The following ARHGEF10 variants were observed in gnomAD, a reference collection of about 807,000 sequenced individuals.
ARHGEF10 encodes Rho guanine nucleotide exchange factor (GEF) 10.
A neutral mutation model predicts 147.4 loss-of-function variants in ARHGEF10; 140 were observed. The ratio of observed to expected loss-of-function variants is 0.95; its 90% confidence interval spans 0.83 to 1.09. ARHGEF10 has a LOEUF of 1.09. Ranked by LOEUF, ARHGEF10 falls within the 50% of genes least tolerant of loss-of-function variation. The pLI, the probability that ARHGEF10 is intolerant of heterozygous loss-of-function variation, is 0.00. For synonymous variants in ARHGEF10, 902 were observed against 695.8 expected (o/e 1.30, Z -4.67); for missense variants, 2,222 against 1,752.7 (o/e 1.27, Z -4.78).
intron 11 of ARHGEF10, among the ~76,000 whole-genome samples, chr8:1,888,074 A>G (rs73542930): frequency 6.0e-5 from 7 of 115,842 alleles, no homozygotes; most frequent in East Asian, 3.0e-4. Flanking sequence ...ATGAGGGTTT[A>G]TGAGGAGACA....
intron 18 of ARHGEF10, among the ~76,000 whole-genome samples, chr8:1,911,065 G>A (rs1168571956): frequency 6.6e-6 from 1 of 152,212 alleles, no homozygotes; most frequent in Non-Finnish European, 1.5e-5. Flanking sequence ...CATTGCATTT[G>A]CACCCTGGAT....
chr8:1,873,471 TGA>T (rs1807320160), intron 7 of ARHGEF10, among the ~76,000 whole-genome samples: 2 of 114,844 alleles, frequency 1.7e-5, no homozygotes, highest in Non-Finnish European at 4.1e-5. Context: ...CTCGTTGCGT[TGA>T]GAGGCGCCCG....
At chr8:1,894,640 G>A in intron 13 of ARHGEF10, 68 bp downstream of exon 13, 2 of 1,571,794 alleles carry the variant, frequency 1.3e-6, no homozygotes, top group South Asian at 2.2e-5. Context: ...TCCCTTCTTA[G>A]GCTGATGTTT....
chr8:1,882,946 C>G (rs1450407555), intron 10 of ARHGEF10, among the ~76,000 whole-genome samples, 197 bp downstream of exon 10: 13 of 152,136 alleles, frequency 8.5e-5, no homozygotes, highest in African/African-American at 2.9e-4. Context: ...CGTTTTAGAC[C>G]GAGGGCACCC....
At chr8:1,917,362 G>A (rs748096201) in intron 18 of ARHGEF10, among the ~76,000 whole-genome samples, 1 of 152,158 alleles carries the variant, frequency 6.6e-6, no homozygotes, top group Admixed American at 6.5e-5. Flanking sequence ...ACGCCTTCTG[G>A]CTCTGACGTC....
chr8:1,833,075 CAG>C lies in ARHGEF10; in HGVS notation c.-48+8968_-48+8969del, dbSNP rs747114206. Among the ~76,000 whole-genome samples the C allele has an allele frequency of 7.5e-3, 5 of 670 alleles. 1 individual carries two copies. The highest frequency in any genetic ancestry group is 0.024 in the Non-Finnish European group (5 of 210). The allele number at this position is 670 out of a possible 152,430, so 0.4% of individuals were successfully genotyped here. ...AGGCAGAGAGAGACAGAGACAGAGG[CAG>C]AGAGACAGAGACAGAGGCAGAGAGA... On this transcript the variant is annotated intron_variant, in intron 1 of 28. Coordinates refer to ENST00000349830, the MANE Select transcript of ARHGEF10 (RefSeq NM_014629.4).
At chr8:1,844,616 C>T (rs1168454009) in intron 2 of ARHGEF10, among the ~76,000 whole-genome samples, 2 of 152,124 alleles carry the variant, frequency 1.3e-5, no homozygotes, top group Non-Finnish European at 2.9e-5. Flanking sequence ...GTACGGGACC[C>T]GGTACCGGAA....
chr8:1,944,920 C>T lies in ARHGEF10; in HGVS notation c.3223-561C>T, dbSNP rs371530739. Among the ~76,000 whole-genome samples the T allele has an allele frequency of 8.2e-4, 125 of 152,346 alleles. No homozygotes were observed. The South Asian group carries it at 9.5e-3, about 12-fold the overall frequency. On this transcript the variant is annotated intron_variant, in intron 26 of 28. Coordinates refer to ENST00000349830, the MANE Select transcript of ARHGEF10 (RefSeq NM_014629.4). The stretch of plus-strand genomic sequence containing the variant: ...TGACGAGGGCCCAGGCCCAGGCACC[C>T]GTGGGACCCCTCAGAGCAGGCCGCT...
At chr8:1,881,714 C>T (rs899591751) in intron 9 of ARHGEF10, among the ~76,000 whole-genome samples, 2 of 152,208 alleles carry the variant, frequency 1.3e-5, no homozygotes, top group South Asian at 2.1e-4. Flanking sequence ...CAGGCAGACA[C>T]GGCCAGGGCT....
At chr8:1,860,694 G>A (rs1476777617) in intron 4 of ARHGEF10, among the ~76,000 whole-genome samples, 1 of 152,182 alleles carries the variant, frequency 6.6e-6, no homozygotes, top group Admixed American at 6.5e-5. Context: ...GGGGTGCCTT[G>A]AACTTCACCC....
intron 18 of ARHGEF10, among the ~76,000 whole-genome samples, chr8:1,916,240 C>G (rs58942313): frequency 0.014 from 2,187 of 152,322 alleles, 58 homozygotes; most frequent in African/African-American, 0.05. Flanking sequence ...GGTGCGCATG[C>G]AGGAGGGCCT....
chr8:1,911,341 A>G lies in ARHGEF10; in HGVS notation c.2143+1871A>G, dbSNP rs1219911285. Among the ~76,000 whole-genome samples, 4 of 152,332 alleles carry G rather than the reference A, an allele frequency of 2.6e-5. No individual in the cohort carries two copies. In the East Asian group the frequency reaches 7.7e-4, roughly 29 times the overall value. ...AAAGCACCTAGTTAACCTCAGTGAA[A>G]CCATTTTTCCATGGGACATCTTTTT... On this transcript the variant is annotated intron_variant, in intron 18 of 28. Coordinates refer to ENST00000349830, the MANE Select transcript of ARHGEF10 (RefSeq NM_014629.4).
intron 1 of ARHGEF10, among the ~76,000 whole-genome samples, chr8:1,828,321 A>T (rs1802888886): frequency 6.6e-6 from 1 of 152,264 alleles, no homozygotes; most frequent in Non-Finnish European, 1.5e-5. Context: ...TTCCTCTTAA[A>T]GTGCCTTCCT....
rs1271439407 is a variant in ARHGEF10 at position 1,848,457 on chromosome 8, G to T, written c.37+5021G>T. ...ATTTCTTGTGTAGATTTGTCCGGGG[G>T]CTTCAGAATAACACAGCAGGATGGG... On this transcript the variant is annotated intron_variant, in intron 2 of 28. Transcript: ENST00000349830. Among the ~76,000 whole-genome samples, 3 of 152,250 alleles carry T rather than the reference G, an allele frequency of 2.0e-5. No homozygotes were observed. In the South Asian group the frequency reaches 6.2e-4, roughly 32 times the overall value.
At chr8:1,869,742 G>A (rs565301011) in intron 7 of ARHGEF10, 3 of 218,182 alleles carry the variant, frequency 1.4e-5, no homozygotes, top group South Asian at 1.3e-4. Context: ...CGGAGCACCA[G>A]GCCCAGGGTG....
At chr8:1,938,016 C>T (rs1475314748) in intron 26 of ARHGEF10, among the ~76,000 whole-genome samples, 1 of 152,164 alleles carries the variant, frequency 6.6e-6, no homozygotes, top group African/African-American at 2.4e-5. Context: ...GAGCCGGGTG[C>T]TTGGTGCAGC....
Position 1,859,839 on chromosome 8 carries a change from G to A in ARHGEF10, c.194-58G>A, listed in dbSNP as rs535436498. The A allele has an allele frequency of 2.5e-6, 4 of 1,603,864 alleles. No individual in the cohort carries two copies. The South Asian group carries it at 3.3e-5, about 13-fold the overall frequency. On this transcript the variant is annotated intron_variant, in intron 3 of 28. Transcript: ENST00000349830. ...TGCTTCCCACTTGCGCTCCAGGAGG[G>A]CATGCCTGCCATGCCCTTGGTGATG...
chr8:1,842,004 AC>A, intron 1 of ARHGEF10, among the ~76,000 whole-genome samples: 1 of 78,244 alleles, frequency 1.3e-5, no homozygotes, highest in African/African-American at 4.6e-5. Context: ...CGCGGCGGGA[AC>A]TGGGGCCGCG....
intron 26 of ARHGEF10, among the ~76,000 whole-genome samples, chr8:1,935,111 T>C (rs1288686008): frequency 6.6e-6 from 1 of 152,220 alleles, no homozygotes; most frequent in Non-Finnish European, 1.5e-5. Context: ...CAAGGTACTG[T>C]TTTATTAATA....
Sources: allele counts gnomAD v4.1 joint callset (sites outside exome capture counted in the v4.1 genomes callset), GRCh38; gene constraint gnomAD v4.1.1; transcripts MANE v1.5; gene names NCBI Gene and HGNC (gene_info 2026-07-23, HGNC 2026-07-21).